CCSER1: variants seen among roughly 807,000 people sequenced by gnomAD.
The protein encoded by CCSER1 is coiled-coil serine rich protein 1.
Under a neutral mutation model 82.0 loss-of-function variants are expected in CCSER1, and 41 were observed. That is an observed-to-expected ratio of 0.50 (90% CI 0.39 to 0.65). The LOEUF is 0.65. Among genes scored for constraint, CCSER1 ranks in the 30% least tolerant of loss-of-function variants. The pLI, the probability that CCSER1 is intolerant of heterozygous loss-of-function variation, is 0.00. For missense variants in CCSER1, 1,119 were observed against 1,064.2 expected (o/e 1.05, Z -0.72); for synonymous variants, 414 against 383.9 (o/e 1.08, Z -0.92).
At chr4:91,527,567 G>A (rs6830840) in intron 10 of CCSER1, among the ~76,000 whole-genome samples, 15,211 of 152,132 alleles carry the variant, frequency 0.1, 832 homozygotes, top group South Asian at 0.21. Context: ...GAATATTTTG[G>A]AAATCAAGTA....
chr4:90,712,399 T>C (rs1740789829), intron 6 of CCSER1, among the ~76,000 whole-genome samples: 1 of 152,110 alleles, frequency 6.6e-6, no homozygotes, highest in African/African-American at 2.4e-5. Context: ...TTTTATTATT[T>C]ACCCGAAAGT....
At chr4:90,932,966 GAAAGAAAGAAAGAAAGAGAAAGAAAGAA>G (rs1730176561) in intron 9 of CCSER1, among the ~76,000 whole-genome samples, 13 of 34,218 alleles carry the variant, frequency 3.8e-4, no homozygotes, top group Admixed American at 6.2e-4. Flanking sequence ...AAGAAAGAAA[GAAAGAAAGAAAGAAAGAGAAAGAAAGAA>G]AGAAAGAAAG....
chr4:91,079,225 C>T (rs549002765), intron 9 of CCSER1, among the ~76,000 whole-genome samples: 1 of 152,298 alleles, frequency 6.6e-6, no homozygotes, highest in Non-Finnish European at 1.5e-5. Context: ...CAGCAGATCT[C>T]TCAGCAGAAA....
intron 10 of CCSER1, among the ~76,000 whole-genome samples, chr4:91,351,175 T>A (rs958086190): frequency 3.3e-5 from 5 of 151,832 alleles, no homozygotes; most frequent in Admixed American, 2.0e-4. Flanking sequence ...ATTTCCTTCA[T>A]GACACTATCT....
chr4:90,413,948 C>CAAAAAAAAAA (rs570689214), intron 4 of CCSER1, among the ~76,000 whole-genome samples: 1 of 22,364 alleles, frequency 4.5e-5, no homozygotes, highest in Non-Finnish European at 9.0e-5. Flanking sequence ...GACACCGTCT[C>CAAAAAAAAAA]AAAAAAAAAA....
rs750217480 is a variant in CCSER1, at chr4:90,308,994, G to A, written c.710G>A (p.Arg237Gln). ...TCCTGTTCTGTGGATGTAACAGAAC[G>A]GGCAGGAAGCTCTTTACAATCTCCT... Reference protein sequence around the residue: ...SPSCSVDVTERAGSSLQSPLL... With the variant: ...SPSCSVDVTEQAGSSLQSPLL... The change falls in exon 2 of 11, where the codon CGG becomes CAG. Residue 237 changes from arginine to glutamine, a missense_variant. Coordinates refer to ENST00000509176, the MANE Select transcript of CCSER1 (RefSeq NM_001145065.2). The A allele has an allele frequency of 2.0e-5, 33 of 1,613,710 alleles. No homozygotes were observed. The highest frequency in any genetic ancestry group is 2.4e-5 in the Non-Finnish European group (28 of 1,179,848).
chr4:91,430,480 T>C (rs560675400), intron 10 of CCSER1, among the ~76,000 whole-genome samples: 2 of 152,350 alleles, frequency 1.3e-5, no homozygotes, highest in African/African-American at 2.4e-5. Context: ...AGTATGCACA[T>C]GTGTGCATGG....
At chr4:91,042,443 GA>G (rs1462415266) in intron 9 of CCSER1, among the ~76,000 whole-genome samples, 1 of 152,080 alleles carries the variant, frequency 6.6e-6, no homozygotes, top group African/African-American at 2.4e-5. Context: ...ATAGCAGTAT[GA>G]AAACAGACTA....
intron 8 of CCSER1, among the ~76,000 whole-genome samples, chr4:90,879,657 AGAG>A (rs1217594782): frequency 1.3e-5 from 2 of 151,890 alleles, no homozygotes. Context: ...AGGAAGAAGA[AGAG>A]GAAAGAAGAA....
At chr4:90,808,024 G>A (rs1757755127) in intron 7 of CCSER1, among the ~76,000 whole-genome samples, 1 of 152,080 alleles carries the variant, frequency 6.6e-6, no homozygotes, top group South Asian at 2.1e-4. Context: ...AAAACAATAT[G>A]GTACCTGTAT....
rs141405649 is a variant in CCSER1, at chr4:90,737,510, G to C, written c.2010+13519G>C. 1.4e-3 allele frequency among the ~76,000 whole-genome samples: 211 copies of C among 152,114 alleles called. 1 individual carries two copies. Among genetic ancestry groups the C allele is most frequent in the Middle Eastern group, 6.8e-3 (2 of 294 alleles). On this transcript the variant is annotated intron_variant, in intron 7 of 10. Coordinates refer to ENST00000509176, the MANE Select transcript of CCSER1 (RefSeq NM_001145065.2). ...ATGAATAGGAGCTCCATTGTATGTT[G>C]TTCCTTTCTTCTTGCTGCTTTTTAG...
At chr4:90,656,287 A>G (rs1579753457) in intron 6 of CCSER1, among the ~76,000 whole-genome samples, 2 of 151,084 alleles carry the variant, frequency 1.3e-5, no homozygotes, top group South Asian at 4.2e-4. Flanking sequence ...ATGACTATGA[A>G]TTTTTCTATT....
chr4:91,249,604 A>G (rs1266315977), intron 10 of CCSER1, among the ~76,000 whole-genome samples: 2 of 152,216 alleles, frequency 1.3e-5, no homozygotes, highest in East Asian at 3.9e-4. Flanking sequence ...CTAGGCCTTT[A>G]CTTAAGTTAC....
chr4:90,780,180 A>G lies in CCSER1; in HGVS notation c.2011-35582A>G, dbSNP rs146151629. On this transcript the variant is annotated intron_variant, in intron 7 of 10. Coordinates refer to ENST00000509176, the MANE Select transcript of CCSER1 (RefSeq NM_001145065.2). Reference sequence around the variant, plus strand: ...TTCCTGTTAGGCAGTTAAGGTAATCATCTGTTGGATTAGGGAAGCCTAGCT... The same window carrying G: ...TTCCTGTTAGGCAGTTAAGGTAATCGTCTGTTGGATTAGGGAAGCCTAGCT... 2.6e-3 allele frequency among the ~76,000 whole-genome samples: 390 copies of G among 152,262 alleles called. 3 individuals carry two copies. Among genetic ancestry groups the G allele is most frequent in the Non-Finnish European group, 3.7e-3 (251 of 68,028 alleles).
chr4:91,435,440 CAA>C (rs5860233), intron 10 of CCSER1, among the ~76,000 whole-genome samples: 2 of 144,996 alleles, frequency 1.4e-5, no homozygotes, highest in Non-Finnish European at 1.5e-5. Context: ...GACCCTGTCT[CAA>C]AAAAAAAAAA....
chr4:91,473,684 T>C (rs922736408), intron 10 of CCSER1, among the ~76,000 whole-genome samples: 2 of 152,158 alleles, frequency 1.3e-5, no homozygotes, highest in African/African-American at 4.8e-5. Flanking sequence ...TAAAAGAGTG[T>C]TGAAGAGCCT....
intron 1 of CCSER1, among the ~76,000 whole-genome samples, chr4:90,181,488 C>A (rs1035198739): frequency 4.0e-5 from 6 of 151,796 alleles, no homozygotes; most frequent in African/African-American, 9.7e-5. Flanking sequence ...CCATTTGCAA[C>A]CCATCTCAAG....
At chr4:90,819,331 C>T (rs1759438161) in intron 8 of CCSER1, among the ~76,000 whole-genome samples, 2 of 152,148 alleles carry the variant, frequency 1.3e-5, no homozygotes, top group South Asian at 2.1e-4. Flanking sequence ...GGCTTCAATA[C>T]ATGAATTGTG....
chr4:91,581,357 G>C (rs1763717214), intron 10 of CCSER1, among the ~76,000 whole-genome samples: 1 of 151,686 alleles, frequency 6.6e-6, no homozygotes, highest in South Asian at 2.1e-4. Context: ...TTGCCAGAAG[G>C]GCAGCATTAG....
Sources: allele counts gnomAD v4.1 joint callset (sites outside exome capture counted in the v4.1 genomes callset), GRCh38; gene constraint gnomAD v4.1.1; transcripts MANE v1.5; gene names NCBI Gene and HGNC (gene_info 2026-07-23, HGNC 2026-07-21).